Variants in PITPNM2 observed in about 807,000 individuals in gnomAD.
PITPNM2 encodes the protein phosphatidylinositol transfer protein membrane associated 2.
In PITPNM2, 35 loss-of-function variants were observed where a neutral mutation model predicts 132.2. That is an observed-to-expected ratio of 0.26 (90% CI 0.20 to 0.35). The LOEUF is 0.35. PITPNM2 is among the 10% of genes least tolerant of loss of function. The pLI is 1.00. For missense variants in PITPNM2, 1,332 were observed against 1,912.0 expected (o/e 0.70, Z 5.66); for synonymous variants, 738 against 799.2 (o/e 0.92, Z 1.29).
At position 123,012,600 on chromosome 12, in the gene PITPNM2, C is replaced by A; in HGVS notation, c.415+13G>T. On this transcript the variant is annotated intron_variant, in intron 5 of 25. Coordinates refer to ENST00000320201, the MANE Select transcript of PITPNM2 (RefSeq NM_020845.3). ...AGAGTACAGCCCTGTGGGGCTCTGC[C>A]CTTCCTGGTTACCGATTGTCAGCTG... is the stretch of plus-strand genomic sequence containing the variant. The A allele has an allele frequency of 1.9e-6, 3 of 1,613,852 alleles. No individual in the cohort carries two copies. The highest frequency in any genetic ancestry group is 2.5e-6 in the Non-Finnish European group (3 of 1,179,776).
At chr12:123,073,096 T>C (rs1438448503) in intron 2 of PITPNM2, among the ~76,000 whole-genome samples, 1 of 152,230 alleles carries the variant, frequency 6.6e-6, no homozygotes, top group African/African-American at 2.4e-5. Context: ...GAGCTTCCGT[T>C]TTATTCACTT....
chr12:123,096,916 G>C (rs1566291558), intron 2 of PITPNM2, among the ~76,000 whole-genome samples: 1 of 152,242 alleles, frequency 6.6e-6, no homozygotes, highest in East Asian at 1.9e-4. Context: ...AGGGAAGCTA[G>C]AGGAACTAAA....
chr12:123,061,586 C>T (rs1230539725), intron 2 of PITPNM2, among the ~76,000 whole-genome samples: 2 of 152,206 alleles, frequency 1.3e-5, no homozygotes, highest in Non-Finnish European at 2.9e-5. Context: ...AGACCAAAGG[C>T]TTCTGAGCCA....
intron 3 of PITPNM2, 121 bp downstream of exon 3, chr12:123,034,392 A>G: frequency 1.1e-6 from 1 of 895,974 alleles, no homozygotes; most frequent in Non-Finnish European, 1.8e-6. Flanking sequence ...CACACTTACC[A>G]GGAAGTTCTG....
chr12:123,046,668 T>A (rs1454845159), intron 2 of PITPNM2, among the ~76,000 whole-genome samples: 1 of 152,230 alleles, frequency 6.6e-6, no homozygotes, highest in Non-Finnish European at 1.5e-5. Context: ...ATTCTGGACA[T>A]TTCCTATTGG....
chr12:123,065,941 G>C (rs2041396063), intron 2 of PITPNM2, among the ~76,000 whole-genome samples: 1 of 152,222 alleles, frequency 6.6e-6, no homozygotes, highest in Non-Finnish European at 1.5e-5. Context: ...CCCAGAGCAA[G>C]ATTGTCTTTC....
intron 2 of PITPNM2, among the ~76,000 whole-genome samples, chr12:123,039,433 C>G (rs2040383121): frequency 1.3e-5 from 2 of 152,118 alleles, no homozygotes; most frequent in African/African-American, 4.8e-5. Context: ...ATCAAAACCT[C>G]AACACTGTAC....
intron 2 of PITPNM2, among the ~76,000 whole-genome samples, chr12:123,104,457 C>T (rs1402220330): frequency 5.9e-5 from 9 of 152,160 alleles, no homozygotes; most frequent in Admixed American, 5.2e-4. Flanking sequence ...TATAAATGGC[C>T]GGTCCTTGCC....
chr12:123,082,162 C>T lies in PITPNM2; in HGVS notation c.-96+28223G>A, dbSNP rs1018596083. Among the ~76,000 whole-genome samples, 3 of 152,218 alleles carry T rather than the reference C, an allele frequency of 2.0e-5. No individual in the cohort carries two copies. Among genetic ancestry groups the T allele is most frequent in the Non-Finnish European group, 4.4e-5 (3 of 68,040 alleles). On this transcript the variant is annotated intron_variant, in intron 2 of 25. Transcript: ENST00000320201. This position sits in a 1 kb window ranked among gnomAD's most constrained non-coding sequence, Gnocchi z 5.4. The stretch of plus-strand genomic sequence containing the variant: ...AGAGTGAGGGCCTGCAGGCTCTGCC[C>T]TGCCACCTCTCCGCCCTGGCAAGGC...
At chr12:123,060,933 C>T (rs911896967) in intron 2 of PITPNM2, among the ~76,000 whole-genome samples, 1 of 152,188 alleles carries the variant, frequency 6.6e-6, no homozygotes, top group Admixed American at 6.5e-5. Flanking sequence ...TCTACTCATC[C>T]TTCCACCTAT....
chr12:123,143,243 C>G (rs2043544855), intron 1 of PITPNM2, among the ~76,000 whole-genome samples: 1 of 151,976 alleles, frequency 6.6e-6, no homozygotes, highest in South Asian at 2.1e-4. Context: ...GACACTGGTG[C>G]CCAGTGAGCC....
chr12:123,008,087 G>T lies in PITPNM2; in HGVS notation c.643+1763C>A, dbSNP rs890810315. 2.0e-5 allele frequency among the ~76,000 whole-genome samples: 3 copies of T among 152,248 alleles called. No homozygotes were observed. Among genetic ancestry groups the T allele is most frequent in the Non-Finnish European group, 4.4e-5 (3 of 68,050 alleles). On this transcript the variant is annotated intron_variant, in intron 6 of 25. Transcript: ENST00000320201. This position sits in a 1 kb window ranked among gnomAD's most constrained non-coding sequence, Gnocchi z 4.1. ...TTACAGAAGAGAAAAGCAAAGCTCA[G>T]TGAGGCTGAGAGACCACAGAGCCAC...
rs2037876989 is a variant in PITPNM2 at position 122,984,991 on chromosome 12, C to T, written c.*1036G>A. ...GAAAACGGAATTGGCATTAAAAAAA[C>T]CGAAGTGTGTGCCCCACCCACCCCA... On this transcript the variant is annotated 3_prime_UTR_variant, in exon 26 of 26. Transcript: ENST00000320201. 1 of 152,340 alleles carries T rather than the reference C, an allele frequency of 6.6e-6. No homozygotes were observed. The highest frequency in any genetic ancestry group is 6.5e-5 in the Admixed American group (1 of 15,276). The allele number at this position is 152,340 out of a possible 1,614,324, so 9.4% of individuals were successfully genotyped here.
chr12:123,123,953 A>T (rs191389709), intron 1 of PITPNM2, among the ~76,000 whole-genome samples: 118 of 151,674 alleles, frequency 7.8e-4, no homozygotes, highest in South Asian at 2.7e-3. Context: ...AAAAAAAATT[A>T]AAATTTAAAA....
rs572003401 is a variant in PITPNM2, at chr12:123,131,624, T to G, written c.-200+19129A>C. 7.9e-4 allele frequency among the ~76,000 whole-genome samples: 121 copies of G among 152,328 alleles called. 1 individual carries two copies. Among genetic ancestry groups the G allele is most frequent in the African/African-American group, 2.7e-3 (112 of 41,574 alleles). On this transcript the variant is annotated intron_variant, in intron 1 of 25. Transcript: ENST00000320201. ...GGCAGAGGGAGAGTCTGGTTCCATCTGGAATCCCTCCAGGACATCACCCTT... is the reference window on the plus strand; with the variant it reads ...GGCAGAGGGAGAGTCTGGTTCCATCGGGAATCCCTCCAGGACATCACCCTT...
intron 6 of PITPNM2, chr12:123,007,278 G>A (rs1479262716): frequency 1.8e-5 from 8 of 450,236 alleles, no homozygotes; most frequent in African/African-American, 2.0e-5. Context: ...TGTGGCATCC[G>A]TGTGTGTGTG....
chr12:123,146,920 T>G (rs2043630430), intron 1 of PITPNM2, among the ~76,000 whole-genome samples: 1 of 152,160 alleles, frequency 6.6e-6, no homozygotes. Flanking sequence ...CTCAACAGGG[T>G]GCAGGCCCTC....
At chr12:123,128,792 T>C (rs2137527969) in intron 1 of PITPNM2, among the ~76,000 whole-genome samples, 1 of 150,294 alleles carries the variant, frequency 6.7e-6, no homozygotes, top group Non-Finnish European at 1.5e-5. Flanking sequence ...CGATGGGAGA[T>C]ATTCTTTATC....
intron 2 of PITPNM2, among the ~76,000 whole-genome samples, chr12:123,062,045 C>A (rs1171166439): frequency 6.6e-6 from 1 of 152,140 alleles, no homozygotes; most frequent in African/African-American, 2.4e-5. Flanking sequence ...TGCTCCTCCT[C>A]CTCCTTCTCC....
Sources: gnomAD v4.1 joint callset for allele counts (sites outside exome capture counted in the v4.1 genomes callset) on GRCh38, gnomAD v4.1.1 for gene constraint, Gnocchi (gnomAD v3.1) non-coding constraint, MANE v1.5 for transcripts, NCBI Gene and HGNC (gene_info 2026-07-23, HGNC 2026-07-21) for gene names.